The following EXOC4 variants were observed in gnomAD, a reference collection of about 807,000 sequenced individuals.
EXOC4 encodes exocyst complex component 4.
A neutral mutation model predicts 107.2 loss-of-function variants in EXOC4; 71 were observed. The observed-to-expected ratio is 0.66, with a 90% CI of 0.55 to 0.81. The LOEUF (loss-of-function observed/expected upper bound fraction) is 0.81, where lower values mean the gene tolerates loss of function less well. EXOC4 is among the 30% of genes least tolerant of loss of function. EXOC4 has a pLI of 0.00. For synonymous variants in EXOC4, 456 were observed against 441.2 expected, an observed-to-expected ratio of 1.03 and a Z score of -0.42; for missense variants, 1,108 against 1,189.6, an observed-to-expected ratio of 0.93 and a Z score of 1.01.
At chr7:133,776,731 C>G (rs1447594395) in intron 10 of EXOC4, among the ~76,000 whole-genome samples, 1 of 152,100 alleles carries the variant, frequency 6.6e-6, no homozygotes, top group Non-Finnish European at 1.5e-5. Context: ...TATTCATATG[C>G]CAAATAATTT....
chr7:133,763,581 T>TATTCAAAA (rs1796076747), intron 10 of EXOC4, among the ~76,000 whole-genome samples: 1 of 152,068 alleles, frequency 6.6e-6, no homozygotes, highest in African/African-American at 2.4e-5. Context: ...AATGAGTTAA[T>TATTCAAAA]ACACAAGTTT....
intron 10 of EXOC4, among the ~76,000 whole-genome samples, chr7:133,789,250 A>G (rs1796654221): frequency 6.6e-6 from 1 of 152,212 alleles, no homozygotes; most frequent in Non-Finnish European, 1.5e-5. Flanking sequence ...AAATGTGATG[A>G]AAGCCTTAGT....
chr7:133,474,396 A>G (rs570846393), intron 7 of EXOC4, among the ~76,000 whole-genome samples: 74 of 151,930 alleles, frequency 4.9e-4, no homozygotes, highest in Middle Eastern at 3.4e-3. Flanking sequence ...GCTCACTGCA[A>G]CCTCTGGTTC....
At chr7:134,050,267 A>G (rs2116574757) in intron 17 of EXOC4, among the ~76,000 whole-genome samples, 2 of 152,306 alleles carry the variant, frequency 1.3e-5, no homozygotes, top group Middle Eastern at 6.8e-3. Context: ...TACGTAACAA[A>G]AAATATTATG....
rs112382438 is a variant in EXOC4 at position 133,653,199 on chromosome 7, A to G, written c.1514+23058A>G. 1.0e-2 allele frequency among the ~76,000 whole-genome samples: 1,522 copies of G among 152,264 alleles called. 22 individuals are homozygous for G. Among genetic ancestry groups the G allele is most frequent in the African/African-American group, 0.034 (1,430 of 41,552 alleles). ...GTCTTCAGAGAGGAAGAAGATCATT[A>G]TTAATATTAATATGTTATATTAGTA... On this transcript the variant is annotated intron_variant, in intron 10 of 17. Transcript: ENST00000253861.
At chr7:134,082,958 A>G in the EXOC4 span, among the ~76,000 whole-genome samples, 1 of 152,222 alleles carries the variant, frequency 6.6e-6, no homozygotes, top group South Asian at 2.1e-4. Context: ...CACAGTTGCC[A>G]CACAGTTGAT....
At chr7:134,088,822 T>G in the EXOC4 span, among the ~76,000 whole-genome samples, 7 of 152,300 alleles carry the variant, frequency 4.6e-5, no homozygotes, top group African/African-American at 1.7e-4. Context: ...ATACAGTGAT[T>G]TTATGTAACA....
chr7:134,083,795 A>G, the EXOC4 span, among the ~76,000 whole-genome samples: 1 of 152,340 alleles, frequency 6.6e-6, no homozygotes, highest in Non-Finnish European at 1.5e-5. Flanking sequence ...TAGGCCAGTC[A>G]TAGATCCTAC....
At chr7:133,905,494 G>A (rs1393124654) in intron 12 of EXOC4, among the ~76,000 whole-genome samples, 1 of 152,150 alleles carries the variant, frequency 6.6e-6, no homozygotes, top group Admixed American at 6.5e-5. Context: ...TCCAAGCAGA[G>A]TGCTTCCCTC....
chr7:133,985,723 C>G (rs902389242), intron 14 of EXOC4, among the ~76,000 whole-genome samples: 5 of 152,268 alleles, frequency 3.3e-5, no homozygotes, highest in East Asian at 3.9e-4. Context: ...TTTAGACATT[C>G]ATCTCTATAT....
chr7:133,724,366 C>T (rs1393137060), intron 10 of EXOC4, among the ~76,000 whole-genome samples: 1 of 152,218 alleles, frequency 6.6e-6, no homozygotes, highest in Non-Finnish European at 1.5e-5. Flanking sequence ...CATTCTAAAG[C>T]ATTACTTCAT....
chr7:133,879,467 T>G (rs1798919228), intron 11 of EXOC4, among the ~76,000 whole-genome samples: 1 of 152,234 alleles, frequency 6.6e-6, no homozygotes, highest in Non-Finnish European at 1.5e-5. Context: ...TTTTTGAATT[T>G]GGTAATGCTG....
At chr7:133,955,608 C>G (rs1164181851) in intron 14 of EXOC4, among the ~76,000 whole-genome samples, 1 of 152,168 alleles carries the variant, frequency 6.6e-6, no homozygotes, top group Non-Finnish European at 1.5e-5. Flanking sequence ...CCTTTCTTTA[C>G]TTAAAGGTGG....
At chr7:133,654,763 A>G (rs1335531419) in intron 10 of EXOC4, among the ~76,000 whole-genome samples, 3 of 152,260 alleles carry the variant, frequency 2.0e-5, no homozygotes, top group Non-Finnish European at 2.9e-5. Flanking sequence ...ATCATTATGC[A>G]AACACTAGAT....
At chr7:133,647,192 T>A (rs1404608288) in intron 10 of EXOC4, among the ~76,000 whole-genome samples, 1 of 152,178 alleles carries the variant, frequency 6.6e-6, no homozygotes, top group Non-Finnish European at 1.5e-5. Flanking sequence ...ATCCTCTTAT[T>A]TTGGATCATA....
intron 10 of EXOC4, among the ~76,000 whole-genome samples, chr7:133,750,026 C>G (rs1795763720): frequency 7.1e-6 from 1 of 141,572 alleles, no homozygotes; most frequent in Non-Finnish European, 1.5e-5. Flanking sequence ...AGCAGATAAG[C>G]CACTGAGACC....
intron 11 of EXOC4, among the ~76,000 whole-genome samples, chr7:133,871,978 T>C (rs192605240): frequency 6.6e-6 from 1 of 152,290 alleles, no homozygotes; most frequent in African/African-American, 2.4e-5. Context: ...CCCTTCCTTA[T>C]GTGCTAATGT....
chr7:133,463,792 G>T (rs1411931724), intron 7 of EXOC4, among the ~76,000 whole-genome samples: 2 of 152,110 alleles, frequency 1.3e-5, no homozygotes, highest in Non-Finnish European at 2.9e-5. Flanking sequence ...GTAGCGCAAA[G>T]GGGAAGAAGG....
chr7:133,527,320 C>T (rs1172992407), intron 9 of EXOC4, among the ~76,000 whole-genome samples: 1 of 152,082 alleles, frequency 6.6e-6, no homozygotes, highest in Non-Finnish European at 1.5e-5. Flanking sequence ...AGGAGAATCG[C>T]ATGAACCTGG....
Sources: gnomAD v4.1 joint callset for allele counts (sites outside exome capture counted in the v4.1 genomes callset) on GRCh38, gnomAD v4.1.1 for gene constraint, MANE v1.5 for transcripts, NCBI Gene and HGNC (gene_info 2026-07-23, HGNC 2026-07-21) for gene names.